Variants in TRIM29 observed in about 807,000 individuals in gnomAD.
TRIM29 encodes the protein tripartite motif-containing protein 29.
Under a neutral mutation model 57.3 loss-of-function variants are expected in TRIM29, and 52 were observed. That is an observed-to-expected ratio of 0.91 (90% CI 0.73 to 1.14). TRIM29 has a LOEUF of 1.14. Ranked by LOEUF, TRIM29 falls within the 50% of genes most tolerant of loss-of-function variation. The probability of loss-of-function intolerance (pLI) is 0.00; values close to 1 mark genes in which losing one functional copy is unlikely to be tolerated. For synonymous variants in TRIM29, 319 were observed against 316.9 expected, an observed-to-expected ratio of 1.01 and a Z score of -0.07; for missense variants, 753 against 774.6, an observed-to-expected ratio of 0.97 and a Z score of 0.33.
chr11:120,137,244 G>A lies in TRIM29; in HGVS notation c.788C>T (p.Ala263Val). 4 of 1,614,112 alleles carry A rather than the reference G, an allele frequency of 2.5e-6. No individual in the cohort carries two copies. The highest frequency in any genetic ancestry group is 2.5e-6 in the Non-Finnish European group (3 of 1,180,024). Residue 263 changes from alanine to valine, a missense_variant, in exon 1 of 9, where the codon GCC becomes GTC. By Grantham distance (64) the Ala-to-Val change is moderately conservative (BLOSUM62 0). Coordinates refer to ENST00000341846, the MANE Select transcript of TRIM29 (RefSeq NM_012101.4). The surrounding 1 kb of genome is among the most constrained non-coding windows in gnomAD (Gnocchi z 6.2). ...AGCACTTACCTCCTTCTCGGCCTTG[G>A]CCTCCTCCACTGTCACGGTGCTATG... ...KNHSTVTVEE[A>V]KAEKETELSL...
chr11:120,137,447 G>T lies in TRIM29; in HGVS notation c.585C>A (p.Cys195Ter), dbSNP rs760359997. The T allele has an allele frequency of 1.9e-6, 3 of 1,606,284 alleles. No individual in the cohort carries two copies. The African/African-American group carries it at 4.0e-5, about 21-fold the overall frequency. ...KSCLVCQASF[C>*]ELHLKPHLEG... ...CCAGGTGGGGCTTGAGATGCAGCTC[G>T]CAGAAGGAGGCCTGGCACACCAGGC... Residue 195 changes from cysteine (C) to a stop codon, truncating the protein, a stop_gained, in exon 1 of 9, where the codon TGC becomes TGA. Transcript: ENST00000341846. LOFTEE classifies it high-confidence loss of function. The surrounding 1 kb of genome is among the most constrained non-coding windows in gnomAD (Gnocchi z 6.2).
chr11:120,119,550 A>AC, intron 6 of TRIM29, among the ~76,000 whole-genome samples: 1 of 151,886 alleles, frequency 6.6e-6, no homozygotes. Context: ...CTGCTTCCTG[A>AC]CCCCCTCCTA....
At position 120,137,834 on chromosome 11, in the gene TRIM29, C is replaced by G; in HGVS notation, c.198G>C (p.Arg66Ser). ...ACTCATTGCCCGCGAACAGGGCGCT[C>G]CTACCTTCCCCTGGCTTCAGGGCGC... is the stretch of plus-strand genomic sequence containing the variant. ...LGSALKPGEG[R>S]SALFAGNEWR... Residue 66 changes from arginine to serine, a missense_variant, in exon 1 of 9, where the codon AGG becomes AGC. Coordinates refer to ENST00000341846, the MANE Select transcript of TRIM29 (RefSeq NM_012101.4). The surrounding 1 kb of genome is among the most constrained non-coding windows in gnomAD (Gnocchi z 6.2). 1 of 1,612,460 alleles carries G rather than the reference C, an allele frequency of 6.2e-7. No individual in the cohort carries two copies. Among genetic ancestry groups the G allele is most frequent in the South Asian group, 1.1e-5 (1 of 91,088 alleles).
Position 120,112,457 on chromosome 11 carries a change from T to C in TRIM29, c.1724A>G (p.Tyr575Cys), listed in dbSNP as rs767687941. The part of the protein sequence containing the change: ...QTMLSHYRPF[Y>C]VNKGNGIGSN... The stretch of plus-strand genomic sequence containing the variant: ...CCCAATCCCGTTGCCTTTGTTGACG[T>C]AGAATGGCCGGTAGTGAGACTGTGG... The change falls in exon 9 of 9, where the codon TAC becomes TGC. Residue 575 changes from tyrosine (Y) to cysteine (C), a missense_variant. Tyr to Cys is a radical substitution (Grantham distance 194). Transcript: ENST00000341846. 1.9e-6 allele frequency: 3 copies of C among 1,613,208 alleles called. No individual in the cohort carries two copies. Among genetic ancestry groups the C allele is most frequent in the Non-Finnish European group, 2.5e-6 (3 of 1,179,692 alleles).
intron 6 of TRIM29, among the ~76,000 whole-genome samples, chr11:120,119,436 C>A (rs918762723): frequency 6.6e-6 from 1 of 152,206 alleles, no homozygotes; most frequent in Non-Finnish European, 1.5e-5. Context: ...GGATCCCAGG[C>A]AGCTTCTGTA....
At chr11:120,123,855 C>T in intron 4 of TRIM29, 1 of 268,738 alleles carries the variant, frequency 3.7e-6, no homozygotes, top group Non-Finnish European at 7.2e-6. Flanking sequence ...AACAAATGCC[C>T]TCCTAGGTGT....
chr11:120,137,679 G>C lies in TRIM29; in HGVS notation c.353C>G (p.Pro118Arg), dbSNP rs760882607. Residue 118 changes from proline to arginine, a missense_variant, in exon 1 of 9, where the codon CCC becomes CGC. Coordinates refer to ENST00000341846, the MANE Select transcript of TRIM29 (RefSeq NM_012101.4). The surrounding 1 kb of genome is among the most constrained non-coding windows in gnomAD (Gnocchi z 6.2). ...GLQLGAAKKP[P>R]VTFAEKGELR... ...CTCGCCCTTTTCGGCAAAGGTAACG[G>C]GTGGCTTCTTGGCAGCCCCCAGCTG... The C allele has an allele frequency of 6.2e-7, 1 of 1,613,588 alleles. No homozygotes were observed.
At chr11:120,115,443 G>A (rs372682020) in intron 7 of TRIM29, 29 bp from the exon 8 acceptor site, 8 of 1,605,682 alleles carry the variant, frequency 5.0e-6, no homozygotes, top group African/African-American at 1.3e-5. Flanking sequence ...CAGGTCAAAG[G>A]GAGCAGCGCT....
At position 120,125,771 on chromosome 11, in the gene TRIM29, T is replaced by C. The variant is rs1380887552; in HGVS notation, c.1253A>G (p.Asn418Ser). ...SLGNFKDDLLNVCMRHVEKMC... is the reference protein window; with the variant it reads ...SLGNFKDDLLSVCMRHVEKMC... ...CTTCTCAACGTGGCGCATGCATACA[T>C]TGAGCAGGTCGTCCTTGAAGTTGCC... The change falls in exon 4 of 9, where the codon AAT (asparagine) becomes AGT (serine). Residue 418 changes from asparagine (N) to serine (S), a missense_variant. Coordinates refer to ENST00000341846, the MANE Select transcript of TRIM29 (RefSeq NM_012101.4). The C allele has an allele frequency of 1.2e-6, 2 of 1,614,208 alleles. No homozygotes were observed. Among genetic ancestry groups the C allele is most frequent in the East Asian group, 2.2e-5 (1 of 44,886 alleles).
At position 120,127,557 on chromosome 11, in the gene TRIM29, T is replaced by C; in HGVS notation, c.913A>G (p.Asn305Asp). ...EKDRIKSFTT[N>D]EKAILEQNFR... ...TTCTGCTCCAGGATGGCCTTCTCAT[T>C]GGTGGTGAAGCTCTGGAGGTCCAGA... The change falls in exon 3 of 9, where the codon AAT (asparagine) becomes GAT (aspartate). Residue 305 changes from asparagine (N) to aspartate (D), a missense_variant. Asn to Asp is a conservative substitution (Grantham distance 23). Coordinates refer to ENST00000341846, the MANE Select transcript of TRIM29 (RefSeq NM_012101.4). 6.2e-7 allele frequency: 1 copy of C among 1,613,792 alleles called. No homozygotes were observed. Among genetic ancestry groups the C allele is most frequent in the Non-Finnish European group, 8.5e-7 (1 of 1,179,830 alleles).
chr11:120,126,146 C>T (rs1389143048), intron 3 of TRIM29: 5 of 484,684 alleles, frequency 1.0e-5, no homozygotes, highest in African/African-American at 1.9e-5. Flanking sequence ...CTGTTTACCT[C>T]ATAGGGTTTA....
intron 6 of TRIM29, among the ~76,000 whole-genome samples, chr11:120,120,324 A>C (rs1863401999): frequency 6.8e-6 from 1 of 147,824 alleles, no homozygotes; most frequent in Admixed American, 6.8e-5. Flanking sequence ...CAGCCTAACT[A>C]ATGGTGTCCC....
At chr11:120,128,130 T>C (rs1310372106) in intron 2 of TRIM29, among the ~76,000 whole-genome samples, 1 of 152,062 alleles carries the variant, frequency 6.6e-6, no homozygotes, top group Non-Finnish European at 1.5e-5. Context: ...TTGGAGGACA[T>C]TGGAAGACAC....
At chr11:120,134,049 G>A (rs1863769630) in intron 1 of TRIM29, among the ~76,000 whole-genome samples, 1 of 152,112 alleles carries the variant, frequency 6.6e-6, no homozygotes, top group African/African-American at 2.4e-5. Flanking sequence ...ACACAGAAAG[G>A]GATGTATGTG....
intron 1 of TRIM29, chr11:120,128,889 C>A: frequency 1.4e-6 from 2 of 1,444,808 alleles, no homozygotes; most frequent in Non-Finnish European, 1.8e-6. Context: ...CCCAGCTCAG[C>A]CCAGCCCAGC....
At chr11:120,136,570 C>A (rs534853069) in intron 1 of TRIM29, among the ~76,000 whole-genome samples, 5 of 152,270 alleles carry the variant, frequency 3.3e-5, no homozygotes, top group African/African-American at 1.2e-4. Context: ...CAGGGCCCAG[C>A]TGGGAGAAGG....
At chr11:120,136,937 T>G (rs971617991) in intron 1 of TRIM29, among the ~76,000 whole-genome samples, 11 of 152,176 alleles carry the variant, frequency 7.2e-5, no homozygotes, top group African/African-American at 2.7e-4. Context: ...CTGACTCGAA[T>G]TTATCCTATG....
At chr11:120,134,457 A>G (rs1314562946) in intron 1 of TRIM29, among the ~76,000 whole-genome samples, 2 of 152,182 alleles carry the variant, frequency 1.3e-5, no homozygotes, top group Admixed American at 1.3e-4. Flanking sequence ...CCTCAAAAGG[A>G]TGCCAGGACT....
chr11:120,118,120 G>T, intron 7 of TRIM29, 103 bp downstream of exon 7: 1 of 1,058,702 alleles, frequency 9.4e-7, no homozygotes, highest in Non-Finnish European at 1.4e-6. Flanking sequence ...TCTCCTCCAC[G>T]AGGTGAGGGA....
Sources: gnomAD v4.1 joint callset for allele counts (sites outside exome capture counted in the v4.1 genomes callset) on GRCh38, gnomAD v4.1.1 for gene constraint, Gnocchi (gnomAD v3.1) non-coding constraint, MANE v1.5 for transcripts, NCBI Gene and HGNC (gene_info 2026-07-23, HGNC 2026-07-21) for gene names.